The following FER1L6 variants were observed in gnomAD, a reference collection of about 807,000 sequenced individuals.
FER1L6 encodes the protein fer-1 like family member 6.
Under a neutral mutation model 219.2 loss-of-function variants are expected in FER1L6, and 177 were observed. That is an observed-to-expected ratio of 0.81 (90% CI 0.71 to 0.91). The LOEUF (loss-of-function observed/expected upper bound fraction) is 0.91, where lower values mean the gene tolerates loss of function less well. Among genes scored for constraint, FER1L6 ranks in the 40% least tolerant of loss-of-function variants. The pLI is 0.00. For missense variants in FER1L6, 2,153 were observed against 2,259.9 expected, an observed-to-expected ratio of 0.95 and a Z score of 0.96; for synonymous variants, 768 against 824.3, an observed-to-expected ratio of 0.93 and a Z score of 1.17.
intron 1 of FER1L6, among the ~76,000 whole-genome samples, chr8:123,932,168 G>T (rs1268437632): frequency 1.3e-5 from 2 of 152,094 alleles, no homozygotes; most frequent in East Asian, 3.9e-4. Flanking sequence ...GAGTGCAGTG[G>T]CGTGATGTCG....
chr8:124,071,624 T>G lies in FER1L6; in HGVS notation c.4085T>G (p.Ile1362Ser). 6.2e-7 allele frequency: 1 copy of G among 1,612,570 alleles called. No individual in the cohort carries two copies. The highest frequency in any genetic ancestry group is 1.7e-4 in the Middle Eastern group (1 of 6,056). ...HPVTVLIRVY[I>S]VAAFNLSPAD... ...GTCACAGTGCTGATCAGAGTATACA[T>G]TGTCGCGGTGAGCCATTCTTGTTTG... The change falls in exon 31 of 41, where the codon ATT becomes AGT. Residue 1362 changes from isoleucine (I) to serine (S), a missense_variant. Ile to Ser is a moderately radical substitution (Grantham distance 142). Transcript: ENST00000522917.
At chr8:123,988,476 T>A (rs1467928585) in intron 12 of FER1L6, among the ~76,000 whole-genome samples, 1 of 152,232 alleles carries the variant, frequency 6.6e-6, no homozygotes, top group African/African-American at 2.4e-5. Flanking sequence ...TGTCTCTCTT[T>A]TTTTGTGTCC....
At chr8:123,994,363 G>C (rs1303592354) in intron 12 of FER1L6, among the ~76,000 whole-genome samples, 5 of 152,160 alleles carry the variant, frequency 3.3e-5, no homozygotes, top group Non-Finnish European at 7.3e-5. Flanking sequence ...GGGGAGTTAG[G>C]GAAACAGTTC....
intron 12 of FER1L6, among the ~76,000 whole-genome samples, chr8:124,001,452 T>G (rs1817406223): frequency 6.6e-6 from 1 of 152,206 alleles, no homozygotes; most frequent in Non-Finnish European, 1.5e-5. Flanking sequence ...CCTTTGTGAT[T>G]GATTTACCAC....
chr8:123,969,867 C>CAA (rs369712009), intron 5 of FER1L6, among the ~76,000 whole-genome samples, 168 bp from the exon 6 acceptor site: 908 of 71,960 alleles, frequency 0.013, 5 homozygotes, highest in African/African-American at 0.02. Flanking sequence ...ACCCTGTCTC[C>CAA]AAAAAAAAAA....
intron 1 of FER1L6, among the ~76,000 whole-genome samples, chr8:123,929,295 T>C (rs1813680773): frequency 6.6e-6 from 1 of 152,252 alleles, no homozygotes; most frequent in African/African-American, 2.4e-5. Flanking sequence ...CTCTGGAGTT[T>C]CAAAGTGTTT....
intron 1 of FER1L6, among the ~76,000 whole-genome samples, chr8:123,856,813 C>A (rs1816658312): frequency 6.6e-6 from 1 of 151,930 alleles, no homozygotes; most frequent in Admixed American, 6.6e-5. Context: ...GCTTTTACAC[C>A]AGGGGAGTAG....
intron 1 of FER1L6, among the ~76,000 whole-genome samples, chr8:123,924,301 T>A (rs1162589922): frequency 2.0e-5 from 3 of 150,386 alleles, no homozygotes; most frequent in African/African-American, 7.4e-5. Context: ...TCCCAGCCCT[T>A]TGGGAGGCTG....
At chr8:124,013,167 G>A (rs1818020789) in intron 14 of FER1L6, among the ~76,000 whole-genome samples, 1 of 152,134 alleles carries the variant, frequency 6.6e-6, no homozygotes, top group African/African-American at 2.4e-5. Flanking sequence ...TACCCATTAG[G>A]GAATGGATCT....
intron 12 of FER1L6, 88 bp from the exon 13 acceptor site, chr8:124,003,079 G>C: frequency 9.2e-7 from 1 of 1,091,560 alleles, no homozygotes; most frequent in South Asian, 1.5e-5. Context: ...ATTGCTGTGG[G>C]AGAACATGAG....
chr8:124,097,161 A>C, intron 35 of FER1L6, 110 bp from the exon 36 acceptor site: 1 of 697,906 alleles, frequency 1.4e-6, no homozygotes, highest in Non-Finnish European at 2.4e-6. Flanking sequence ...ACCAAGCTAC[A>C]CTTAACACCT....
intron 15 of FER1L6, among the ~76,000 whole-genome samples, chr8:124,015,461 C>G (rs1408299834): frequency 6.6e-6 from 1 of 151,092 alleles, no homozygotes; most frequent in Non-Finnish European, 1.5e-5. Context: ...TTCTGGTGTT[C>G]AGGTTTTTAA....
At chr8:124,103,420 C>G (rs1241788651) in intron 39 of FER1L6, 111 bp downstream of exon 39, 18 of 1,062,350 alleles carry the variant, frequency 1.7e-5, no homozygotes, top group Non-Finnish European at 2.5e-5. Context: ...TGACATGAAC[C>G]CTTCATGCAG....
At chr8:124,054,301 T>G (rs1463427316) in intron 22 of FER1L6, among the ~76,000 whole-genome samples, 2 of 152,210 alleles carry the variant, frequency 1.3e-5, no homozygotes, top group African/African-American at 4.8e-5. Flanking sequence ...TGGTTTTTTT[T>G]GGAACATCAC....
intron 1 of FER1L6, among the ~76,000 whole-genome samples, chr8:123,888,198 T>C (rs565845554): frequency 6.6e-5 from 10 of 152,044 alleles, no homozygotes; most frequent in African/African-American, 1.4e-4. Context: ...CTCACTGCAA[T>C]CTCCACCTCC....
intron 28 of FER1L6, 38 bp from the exon 29 acceptor site, chr8:124,069,322 C>A: frequency 1.4e-6 from 2 of 1,457,710 alleles, no homozygotes; most frequent in Non-Finnish European, 1.9e-6. Context: ...CTCATCTCAA[C>A]CGCCATGAGA....
chr8:123,862,872 T>C (rs1816770087), intron 1 of FER1L6, among the ~76,000 whole-genome samples: 1 of 145,678 alleles, frequency 6.9e-6, no homozygotes, highest in Admixed American at 6.7e-5. Context: ...TTCTCTCTCT[T>C]TTTCTTTATT....
intron 2 of FER1L6, among the ~76,000 whole-genome samples, chr8:123,961,224 C>A (rs987534706): frequency 6.6e-6 from 1 of 152,142 alleles, no homozygotes; most frequent in South Asian, 2.1e-4. Flanking sequence ...CTTGCCACTG[C>A]GTCCCAGCTC....
At chr8:124,100,331 A>G (rs1230750050) in intron 37 of FER1L6, among the ~76,000 whole-genome samples, 1 of 152,238 alleles carries the variant, frequency 6.6e-6, no homozygotes, top group African/African-American at 2.4e-5. Flanking sequence ...TACTAAGACG[A>G]AAGAACATGA....
Sources: allele counts gnomAD v4.1 joint callset (sites outside exome capture counted in the v4.1 genomes callset), GRCh38; gene constraint gnomAD v4.1.1; transcripts MANE v1.5; gene names NCBI Gene and HGNC (gene_info 2026-07-23, HGNC 2026-07-21).